The following RALYL variants were observed in gnomAD, a reference collection of about 807,000 sequenced individuals.
The protein encoded by RALYL is RALY RNA binding protein like, also known as RNA-binding Raly-like protein.
RALYL carries 29 observed loss-of-function variants against 35.1 expected under a neutral mutation model. That is an observed-to-expected ratio of 0.83 (90% CI 0.61 to 1.13). The LOEUF (loss-of-function observed/expected upper bound fraction) is 1.13, where lower values mean the gene tolerates loss of function less well. Among genes scored for constraint, RALYL ranks in the 50% most tolerant of loss-of-function variants. The probability of loss-of-function intolerance (pLI) is 0.00; values close to 1 mark genes in which losing one functional copy is unlikely to be tolerated. For missense variants in RALYL, 359 were observed against 360.4 expected, an observed-to-expected ratio of 1.00 and a Z score of 0.03; for synonymous variants, 120 against 127.6, an observed-to-expected ratio of 0.94 and a Z score of 0.40.
intron 1 of RALYL, among the ~76,000 whole-genome samples, chr8:84,245,918 GAGAA>G (rs1235201427): frequency 1.3e-5 from 2 of 152,068 alleles, no homozygotes; most frequent in Non-Finnish European, 2.9e-5. Flanking sequence ...AATTGACAAA[GAGAA>G]AGTGCAGCTT....
chr8:84,426,473 T>TGTGTGTGGGGGG (rs781271546), intron 1 of RALYL, among the ~76,000 whole-genome samples: 3 of 149,026 alleles, frequency 2.0e-5, no homozygotes, highest in Non-Finnish European at 3.0e-5. Flanking sequence ...TGTGTGTGTG[T>TGTGTGTGGGGGG]GGGTTTAGAT....
intron 1 of RALYL, among the ~76,000 whole-genome samples, chr8:84,485,583 C>CAAACA (rs527314721): frequency 6.6e-6 from 1 of 151,948 alleles, no homozygotes; most frequent in Non-Finnish European, 1.5e-5. Flanking sequence ...TGCCTCAAAA[C>CAAACA]AAACAAAACA....
chr8:84,580,324 A>G (rs1167797067), intron 2 of RALYL, among the ~76,000 whole-genome samples: 2 of 152,202 alleles, frequency 1.3e-5, no homozygotes, highest in Non-Finnish European at 2.9e-5. Flanking sequence ...TACATGAAGG[A>G]GGTTTATTTG....
chr8:84,631,406 G>A (rs1823877181), intron 2 of RALYL, among the ~76,000 whole-genome samples: 1 of 151,942 alleles, frequency 6.6e-6, no homozygotes, highest in African/African-American at 2.4e-5. Context: ...TAATCTCTGA[G>A]TGTCACTTTC....
intron 1 of RALYL, among the ~76,000 whole-genome samples, chr8:84,451,591 GT>G (rs2049480899): frequency 1.3e-5 from 2 of 151,930 alleles, no homozygotes. Context: ...TGAATTCTTA[GT>G]AGCTGATGGA....
intron 2 of RALYL, among the ~76,000 whole-genome samples, chr8:84,677,019 C>T (rs752663258): frequency 1.4e-4 from 22 of 152,188 alleles, no homozygotes; most frequent in Non-Finnish European, 1.5e-4. Flanking sequence ...CCAGGCTGGT[C>T]TCGAACTCCC....
At chr8:84,822,118 G>C (rs1411505155) in intron 4 of RALYL, among the ~76,000 whole-genome samples, 6 of 152,074 alleles carry the variant, frequency 3.9e-5, no homozygotes, top group Non-Finnish European at 1.5e-5. Context: ...TCCAGATACT[G>C]GCTAAATTAT....
intron 1 of RALYL, among the ~76,000 whole-genome samples, chr8:84,413,301 A>G (rs1463411272): frequency 6.6e-6 from 1 of 151,684 alleles, no homozygotes; most frequent in African/African-American, 2.4e-5. Context: ...CAACATTTTT[A>G]CTAATTCCAA....
At chr8:84,580,291 G>T (rs1440686405) in intron 2 of RALYL, among the ~76,000 whole-genome samples, 1 of 152,192 alleles carries the variant, frequency 6.6e-6, no homozygotes, top group Non-Finnish European at 1.5e-5. Context: ...ACCTGAGGCA[G>T]AGTAACTTAT....
intron 1 of RALYL, among the ~76,000 whole-genome samples, chr8:84,455,125 G>C (rs1017398710): frequency 3.9e-5 from 6 of 152,014 alleles, no homozygotes; most frequent in Non-Finnish European, 8.8e-5. Context: ...GAACAGTTCT[G>C]AAGTAGAGGC....
At chr8:84,342,182 C>T (rs1024723591) in intron 1 of RALYL, among the ~76,000 whole-genome samples, 1 of 146,738 alleles carries the variant, frequency 6.8e-6, no homozygotes. Flanking sequence ...ATAAAAAGGA[C>T]AAAAAGAGCA....
intron 1 of RALYL, among the ~76,000 whole-genome samples, chr8:84,463,172 G>T (rs539150302): frequency 2.0e-5 from 3 of 151,914 alleles, no homozygotes; most frequent in East Asian, 3.9e-4. Context: ...TGATATACTT[G>T]TATCTGGGTG....
chr8:84,266,546 G>A (rs1179808530), intron 1 of RALYL, among the ~76,000 whole-genome samples: 2 of 152,212 alleles, frequency 1.3e-5, no homozygotes, highest in Admixed American at 6.5e-5. Context: ...CTTCACAGCT[G>A]GGTCAGACAG....
intron 1 of RALYL, among the ~76,000 whole-genome samples, chr8:84,365,421 G>A (rs552650342): frequency 4.5e-4 from 69 of 152,176 alleles, no homozygotes; most frequent in African/African-American, 1.5e-3. Context: ...CAAAACTAAT[G>A]TTGGCCATAA....
intron 1 of RALYL, among the ~76,000 whole-genome samples, chr8:84,527,774 A>T (rs1464428305): frequency 6.6e-6 from 1 of 152,188 alleles, no homozygotes; most frequent in Non-Finnish European, 1.5e-5. Flanking sequence ...GCTAATCTGA[A>T]TCAATACAAG....
intron 2 of RALYL, among the ~76,000 whole-genome samples, chr8:84,704,473 ACACACAC>A (rs1375197683): frequency 3.0e-5 from 4 of 134,840 alleles, no homozygotes; most frequent in Admixed American, 7.0e-5. Flanking sequence ...ACACACACAC[ACACACAC>A]ACAACAACTC....
At chr8:84,843,093 C>T (rs549623859) in intron 4 of RALYL, among the ~76,000 whole-genome samples, 50 of 152,190 alleles carry the variant, frequency 3.3e-4, no homozygotes, top group African/African-American at 1.1e-3. Flanking sequence ...TCCTATTCAA[C>T]GTAGTGTTGG....
chr8:84,400,802 T>A (rs1031346226), intron 1 of RALYL, among the ~76,000 whole-genome samples: 1 of 152,188 alleles, frequency 6.6e-6, no homozygotes, highest in Non-Finnish European at 1.5e-5. Context: ...GATCATGAAG[T>A]CCAGGTAAGA....
chr8:84,487,694 C>A (rs2054805073), intron 1 of RALYL, among the ~76,000 whole-genome samples: 1 of 152,130 alleles, frequency 6.6e-6, no homozygotes, highest in Middle Eastern at 3.4e-3. Flanking sequence ...AAACAAATAT[C>A]AAAAAATGGA....
Sources: gnomAD v4.1 joint callset for allele counts (sites outside exome capture counted in the v4.1 genomes callset) on GRCh38, gnomAD v4.1.1 for gene constraint, MANE v1.5 for transcripts, NCBI Gene and HGNC (gene_info 2026-07-23, HGNC 2026-07-21) for gene names.